Variants in WDHD1 observed in about 807,000 individuals in gnomAD.
The protein encoded by WDHD1 is WD repeat and HMG-box DNA-binding protein 1.
In WDHD1, 111 loss-of-function variants were observed where a neutral mutation model predicts 135.4. The observed-to-expected ratio is 0.82, with a 90% CI of 0.70 to 0.96. WDHD1 has a LOEUF of 0.96. Ranked by LOEUF, WDHD1 falls within the 40% of genes least tolerant of loss-of-function variation. The pLI, the probability that WDHD1 is intolerant of heterozygous loss-of-function variation, is 0.00. For missense variants in WDHD1, 1,351 were observed against 1,336.3 expected (o/e 1.01, Z -0.17); for synonymous variants, 434 against 439.0 (o/e 0.99, Z 0.14).
In WDHD1 at chr14:54,956,629, G is replaced by A. The variant is rs1422637091; in HGVS notation, c.2916+405C>T. Among the ~76,000 whole-genome samples, 4 of 152,184 alleles carry A rather than the reference G, an allele frequency of 2.6e-5. No individual in the cohort carries two copies. In the East Asian group the frequency reaches 5.8e-4, roughly 22 times the overall value. On this transcript the variant is annotated intron_variant, in intron 23 of 25. Transcript: ENST00000360586. ...CTCCATCCAGCCTGGGTGACAGAGT[G>A]AGCCTCTGTCTCAAAAAAGACAGGG...
At chr14:54,971,743 C>A in intron 16 of WDHD1, among the ~76,000 whole-genome samples, 1 of 146,278 alleles carries the variant, frequency 6.8e-6, no homozygotes, top group Non-Finnish European at 1.5e-5. Flanking sequence ...AAAAGACATC[C>A]CACAGAATGC....
Position 54,957,148 on chromosome 14 carries a change from A to G in WDHD1, c.2802T>C (p.Asn934=). Residue 934 remains asparagine (N), a synonymous_variant, in exon 23 of 26, where the codon AAT becomes AAC. Transcript: ENST00000360586. ...AMSMNSARST[N]ILDNMGKSSK... is the part of the protein sequence containing the mutation. ...ATGATTTGCCCATATTGTCTAAAAT[A>G]TTAGTTGAACGTGCTGAATTCATTG... 1.2e-6 allele frequency: 2 copies of G among 1,614,176 alleles called. No individual in the cohort carries two copies. Among genetic ancestry groups the G allele is most frequent in the Non-Finnish European group, 1.7e-6 (2 of 1,180,024 alleles).
At chr14:54,987,992 T>A (rs1382928490) in intron 13 of WDHD1, among the ~76,000 whole-genome samples, 4 of 152,184 alleles carry the variant, frequency 2.6e-5, no homozygotes, top group Non-Finnish European at 5.9e-5. Context: ...AGTACTATAA[T>A]CAGCTGAAGA....
intron 11 of WDHD1, among the ~76,000 whole-genome samples, chr14:54,994,484 A>G (rs2041845168): frequency 6.6e-6 from 1 of 152,254 alleles, no homozygotes; most frequent in African/African-American, 2.4e-5. Context: ...TTTAAAATAC[A>G]TATTATCATT....
At chr14:54,982,312 A>G (rs930855294) in intron 15 of WDHD1, among the ~76,000 whole-genome samples, 1 of 152,132 alleles carries the variant, frequency 6.6e-6, no homozygotes, top group African/African-American at 2.4e-5. Flanking sequence ...CCCGGCCGAT[A>G]ATAATTTTAA....
In WDHD1 at chr14:54,962,838, A is replaced by G; in HGVS notation, c.2547T>C (p.Ala849=). ...TGAACCTTGGTTGGCTCCACTCTGT[A>G]GCAGTATTGCTGTAACTAAGAGAAA... ...KKLNAGYSNT[A]TEWSQPRFRN... The change falls in exon 20 of 26, where the codon GCT becomes GCC. Residue 849 remains alanine, a synonymous_variant. Coordinates refer to ENST00000360586, the MANE Select transcript of WDHD1 (RefSeq NM_007086.4). 6.2e-7 allele frequency: 1 copy of G among 1,612,632 alleles called. No individual in the cohort carries two copies. Among genetic ancestry groups the G allele is most frequent in the Middle Eastern group, 1.6e-4 (1 of 6,062 alleles).
At position 54,955,639 on chromosome 14, in the gene WDHD1, T is replaced by G. The variant is rs758329771; in HGVS notation, c.2972A>C (p.Glu991Ala). ...ATTTTTAAGATTTTCTTCTTTCACT[T>G]CCTCAGTTTTATTAGTTTGAGAATT... ...KRNSQTNKTE[E>A]VKEENLKNVL... The change falls in exon 24 of 26, where the codon GAA (glutamate) becomes GCA (alanine). Residue 991 changes from glutamate to alanine, a missense_variant. Glu to Ala is a moderately radical substitution (Grantham distance 107). Coordinates refer to ENST00000360586, the MANE Select transcript of WDHD1 (RefSeq NM_007086.4). The G allele has an allele frequency of 6.3e-7, 1 of 1,592,554 alleles. No individual in the cohort carries two copies. The highest frequency in any genetic ancestry group is 8.5e-7 in the Non-Finnish European group (1 of 1,172,142).
At chr14:55,016,874 C>T (rs1197327039) in intron 2 of WDHD1, among the ~76,000 whole-genome samples, 3 of 152,160 alleles carry the variant, frequency 2.0e-5, no homozygotes, top group African/African-American at 2.4e-5. Flanking sequence ...AATGGGTTGT[C>T]TCCATTATCA....
intron 2 of WDHD1, among the ~76,000 whole-genome samples, chr14:55,024,356 T>C (rs2042397451): frequency 6.6e-6 from 1 of 152,254 alleles, no homozygotes; most frequent in African/African-American, 2.4e-5. Flanking sequence ...GTTCCTGTTA[T>C]TTGCAAGTGG....
Position 54,987,146 on chromosome 14 carries a change from CTCT to C in WDHD1, c.1765_1767del (p.Arg589del). 1 of 1,613,082 alleles carries C rather than the reference CTCT, an allele frequency of 6.2e-7. No individual in the cohort carries two copies. The highest frequency in any genetic ancestry group is 8.5e-7 in the Non-Finnish European group (1 of 1,179,580). On this transcript the variant is annotated inframe_deletion and splice_region_variant, in exon 14 of 26. Coordinates refer to ENST00000360586, the MANE Select transcript of WDHD1 (RefSeq NM_007086.4). Reference sequence around the variant, plus strand: ...TCATAAAAGACTGAAAAAAATCTACCTCTGTGATAAACAATGAAAAGCTGTTCT... The same window carrying C: ...TCATAAAAGACTGAAAAAAATCTACCGTGATAAACAATGAAAAGCTGTTCT...
intron 1 of WDHD1, 63 bp from the exon 2 acceptor site, chr14:55,026,866 A>G (rs1412828784): frequency 1.3e-6 from 2 of 1,535,668 alleles, no homozygotes; most frequent in African/African-American, 1.4e-5. Flanking sequence ...GAGGCTAGGG[A>G]TAGGAAGAGA....
At chr14:55,016,330 A>G (rs996301319) in intron 2 of WDHD1, among the ~76,000 whole-genome samples, 3 of 152,224 alleles carry the variant, frequency 2.0e-5, no homozygotes, top group Admixed American at 1.3e-4. Flanking sequence ...CATATTTAAT[A>G]AAAGATTAAA....
At chr14:54,975,782 C>G (rs931947907) in intron 16 of WDHD1, among the ~76,000 whole-genome samples, 18 of 152,020 alleles carry the variant, frequency 1.2e-4, no homozygotes, top group Admixed American at 3.3e-4. Context: ...CCTCCTGCCC[C>G]TGTCTTTTAA....
In WDHD1 at chr14:54,962,430, T is replaced by C. The variant is rs8013950; in HGVS notation, c.2701+68A>G. 10,529 of 1,214,200 alleles carry C rather than the reference T, an allele frequency of 8.7e-3. 689 individuals are homozygous for C. The African/African-American group carries it at 0.14, about 16-fold the overall frequency. 75.2% of individuals were successfully genotyped at this position (1,214,200 alleles called of 1,614,324 possible). A position where few individuals can be genotyped will look rare whatever the true frequency, so the allele number is the denominator to read the frequency against. On this transcript the variant is annotated intron_variant, in intron 21 of 25. Transcript: ENST00000360586. ...CCTTAAGAGTTAAGGTGTATTTGCG[T>C]AGATGTGTCACTTTGCAGATGACTT...
chr14:54,991,412 A>T lies in WDHD1; in HGVS notation c.1154-12T>A. 3 of 1,610,972 alleles carry T rather than the reference A, an allele frequency of 1.9e-6. No homozygotes were observed. The highest frequency in any genetic ancestry group is 2.5e-6 in the Non-Finnish European group (3 of 1,177,876). ...TAGCATTGAAATATCTACAACACAAAGGATCATAATTAAGGGAATCACGAA... is the reference window on the plus strand; with the variant it reads ...TAGCATTGAAATATCTACAACACAATGGATCATAATTAAGGGAATCACGAA... On this transcript the variant is annotated splice_polypyrimidine_tract_variant and intron_variant, in intron 11 of 25. Coordinates refer to ENST00000360586, the MANE Select transcript of WDHD1 (RefSeq NM_007086.4).
At chr14:55,026,898 G>T in intron 1 of WDHD1, 95 bp from the exon 2 acceptor site, 1 of 1,184,640 alleles carries the variant, frequency 8.4e-7, no homozygotes, top group Non-Finnish European at 1.2e-6. Context: ...TCTAGGGCCC[G>T]TTCTCCGCAG....
chr14:54,943,890 C>T (rs886156967), intron 25 of WDHD1, among the ~76,000 whole-genome samples: 1 of 151,462 alleles, frequency 6.6e-6, no homozygotes, highest in Non-Finnish European at 1.5e-5. Context: ...GTCGAGGTGG[C>T]AGTGAGCCAT....
chr14:54,993,511 T>C (rs957492930), intron 11 of WDHD1, among the ~76,000 whole-genome samples: 1 of 152,232 alleles, frequency 6.6e-6, no homozygotes, highest in African/African-American at 2.4e-5. Flanking sequence ...ACGATCATCT[T>C]CTGAGTCTTG....
intron 2 of WDHD1, among the ~76,000 whole-genome samples, chr14:55,015,379 C>CAAAAAAAA: frequency 1.8e-5 from 1 of 54,440 alleles, no homozygotes; most frequent in Non-Finnish European, 3.0e-5. Flanking sequence ...GACACTGTCT[C>CAAAAAAAA]AAAAAAAAAA....
Sources: allele counts gnomAD v4.1 joint callset (sites outside exome capture counted in the v4.1 genomes callset), GRCh38; gene constraint gnomAD v4.1.1; transcripts MANE v1.5; gene names NCBI Gene and HGNC (gene_info 2026-07-23, HGNC 2026-07-21).